Variants in SLCO3A1 observed in about 807,000 individuals in gnomAD.
The protein encoded by SLCO3A1 is PGE1 transporter.
In SLCO3A1, 27 loss-of-function variants were observed where a neutral mutation model predicts 63.1. The observed-to-expected ratio is 0.43, with a 90% CI of 0.32 to 0.59. SLCO3A1 has a LOEUF of 0.59. SLCO3A1 is among the 20% of genes least tolerant of loss of function. SLCO3A1 has a pLI of 0.09. For synonymous variants in SLCO3A1, 473 were observed against 409.9 expected, an observed-to-expected ratio of 1.15 and a Z score of -1.86; for missense variants, 773 against 945.8, an observed-to-expected ratio of 0.82 and a Z score of 2.40.
intron 1 of SLCO3A1, among the ~76,000 whole-genome samples, chr15:91,880,889 C>G (rs4619375): frequency 0.61 from 93,394 of 151,954 alleles, 29,366 homozygotes; most frequent in East Asian, 0.82. Context: ...TGGTTCTCTT[C>G]TTGGTTTTCA....
At chr15:92,130,178 G>C (rs1036418955) in intron 7 of SLCO3A1, among the ~76,000 whole-genome samples, 1 of 152,198 alleles carries the variant, frequency 6.6e-6, no homozygotes, top group African/African-American at 2.4e-5. Flanking sequence ...CTTAAAAATT[G>C]CATTTCCCCT....
chr15:91,926,613 AT>A (rs1899041244), intron 2 of SLCO3A1, among the ~76,000 whole-genome samples: 1 of 138,240 alleles, frequency 7.2e-6, no homozygotes, highest in Non-Finnish European at 1.5e-5. Flanking sequence ...GCGCACGCCC[AT>A]GCTTATTTTA....
At chr15:92,161,753 C>T (rs1394885316) in intron 9 of SLCO3A1, 3 of 150,774 alleles carry the variant, frequency 2.0e-5, no homozygotes, top group East Asian at 4.0e-4. Context: ...GCAGTTTCCT[C>T]TGTAGAACAC....
chr15:91,922,196 G>GCACACACACA (rs71156620), intron 2 of SLCO3A1, among the ~76,000 whole-genome samples: 46,502 of 151,258 alleles, frequency 0.31, 7,841 homozygotes, highest in East Asian at 0.71. Flanking sequence ...GCGCGTGCAC[G>GCACACACACA]CACACACACA....
At chr15:91,988,100 T>C (rs774083438) in intron 2 of SLCO3A1, among the ~76,000 whole-genome samples, 9 of 152,204 alleles carry the variant, frequency 5.9e-5, no homozygotes, top group Non-Finnish European at 1.2e-4. Flanking sequence ...CAAGGAGATA[T>C]ACTTTTGAAA....
chr15:91,944,942 A>G (rs774186728), intron 2 of SLCO3A1, among the ~76,000 whole-genome samples: 1 of 152,152 alleles, frequency 6.6e-6, no homozygotes, highest in East Asian at 1.9e-4. Context: ...TTTCTCCAAT[A>G]TTCTCTTTAA....
rs1180537398 is a variant in SLCO3A1, at chr15:92,060,761, A to G, written c.647-34120A>G. Among the ~76,000 whole-genome samples, 9 of 152,198 alleles carry G rather than the reference A, an allele frequency of 5.9e-5. No homozygotes were observed. In the South Asian group the frequency reaches 1.7e-3, roughly 28 times the overall value. On this transcript the variant is annotated intron_variant, in intron 2 of 9. Transcript: ENST00000318445. ...GCAATCTGCCCGCCTCAGCCTCCCA[A>G]AGTGCTAGGATTACAGGCATGAGCC...
intron 2 of SLCO3A1, among the ~76,000 whole-genome samples, chr15:92,083,342 A>G (rs922454432): frequency 6.6e-6 from 1 of 152,142 alleles, no homozygotes; most frequent in African/African-American, 2.4e-5. Flanking sequence ...TGTCTCTGTC[A>G]CTGCTAAGAA....
intron 2 of SLCO3A1, among the ~76,000 whole-genome samples, chr15:91,917,263 CTG>C (rs1481527597): frequency 2.6e-5 from 4 of 152,200 alleles, no homozygotes; most frequent in Non-Finnish European, 5.9e-5. Context: ...TCCCCAGTCA[CTG>C]AGTGCTAAGC....
intron 1 of SLCO3A1, among the ~76,000 whole-genome samples, chr15:91,867,336 G>C (rs781352472): frequency 6.6e-6 from 1 of 152,176 alleles, no homozygotes; most frequent in African/African-American, 2.4e-5. Flanking sequence ...AATGCTTCTT[G>C]TACTGGAATG....
At chr15:92,136,694 A>G (rs146774723) in intron 7 of SLCO3A1, among the ~76,000 whole-genome samples, 5 of 152,334 alleles carry the variant, frequency 3.3e-5, no homozygotes, top group Non-Finnish European at 7.4e-5. Context: ...CAAAAAGTAT[A>G]AAAAGGAGGA....
intron 2 of SLCO3A1, among the ~76,000 whole-genome samples, chr15:91,995,215 G>A (rs2046176417): frequency 6.6e-6 from 1 of 152,194 alleles, no homozygotes; most frequent in Non-Finnish European, 1.5e-5. Context: ...CGGGAGAGCA[G>A]CATAAGCAGA....
At chr15:92,002,768 A>G (rs2046270254) in intron 2 of SLCO3A1, among the ~76,000 whole-genome samples, 1 of 152,186 alleles carries the variant, frequency 6.6e-6, no homozygotes, top group East Asian at 1.9e-4. Flanking sequence ...TCCCAAATGC[A>G]TCTCTTTTTC....
intron 1 of SLCO3A1, among the ~76,000 whole-genome samples, chr15:91,871,128 C>A (rs1396666051): frequency 1.3e-5 from 2 of 152,068 alleles, no homozygotes; most frequent in African/African-American, 2.4e-5. Flanking sequence ...CTATATCTTT[C>A]TTTGATTTAT....
At chr15:91,956,082 T>C (rs181509269) in intron 2 of SLCO3A1, among the ~76,000 whole-genome samples, 1 of 152,214 alleles carries the variant, frequency 6.6e-6, no homozygotes, top group Admixed American at 6.5e-5. Flanking sequence ...AAGGAGGTGA[T>C]CAGAAGACCC....
intron 2 of SLCO3A1, among the ~76,000 whole-genome samples, chr15:92,079,592 T>C (rs1475971856): frequency 6.6e-6 from 1 of 152,200 alleles, no homozygotes; most frequent in Non-Finnish European, 1.5e-5. Flanking sequence ...TGTAATAATC[T>C]CTTTAAAAGC....
At chr15:92,072,797 T>C (rs537570682) in intron 2 of SLCO3A1, among the ~76,000 whole-genome samples, 1 of 152,324 alleles carries the variant, frequency 6.6e-6, no homozygotes. Flanking sequence ...CTTGGATTTA[T>C]GGGCCCACTA....
chr15:92,087,230 A>T (rs901639891), intron 2 of SLCO3A1, among the ~76,000 whole-genome samples: 1 of 150,740 alleles, frequency 6.6e-6, no homozygotes, highest in Non-Finnish European at 1.5e-5. Flanking sequence ...TCTTTCCCCA[A>T]CTGTTTTGCA....
chr15:92,095,569 C>G (rs2047528425), intron 3 of SLCO3A1, among the ~76,000 whole-genome samples: 1 of 152,174 alleles, frequency 6.6e-6, no homozygotes, highest in African/African-American at 2.4e-5. Flanking sequence ...TCAGAATACC[C>G]TGAGTTCCCC....
Sources: allele counts gnomAD v4.1 joint callset (sites outside exome capture counted in the v4.1 genomes callset), GRCh38; gene constraint gnomAD v4.1.1; transcripts MANE v1.5; gene names NCBI Gene and HGNC (gene_info 2026-07-23, HGNC 2026-07-21).